Variants in PALS1 observed in about 807,000 individuals in gnomAD.
The protein encoded by PALS1 is protein associated with LIN7 1, MAGUK p55 family member.
Under a neutral mutation model 78.9 loss-of-function variants are expected in PALS1, and 31 were observed. The observed-to-expected ratio is 0.39, with a 90% CI of 0.30 to 0.53. PALS1 has a LOEUF of 0.53. Among genes scored for constraint, PALS1 ranks in the 20% least tolerant of loss-of-function variants. PALS1 has a pLI of 0.67. For missense variants in PALS1, 704 were observed against 826.5 expected, an observed-to-expected ratio of 0.85 and a Z score of 1.82; for synonymous variants, 276 against 270.9, an observed-to-expected ratio of 1.02 and a Z score of -0.18.
intron 8 of PALS1, among the ~76,000 whole-genome samples, chr14:67,308,551 T>TC (rs2085043437): frequency 1.4e-5 from 2 of 147,044 alleles, no homozygotes; most frequent in African/African-American, 5.0e-5. Context: ...TTTTTCTTTT[T>TC]TTTTTTTTTT....
rs1352763103 is a variant in PALS1, at chr14:67,321,252, G to A, written c.1733G>A (p.Arg578His). Residue 578 changes from arginine to histidine, a missense_variant, in exon 13 of 15, where the codon CGT becomes CAT. By Grantham distance (29) the Arg-to-His change is conservative. Transcript: ENST00000261681. ...GGCAAAATATGTCTTTTAAGTCTTC[G>A]TACACAGGTAAAGCTAGAACTTTGT... Reference protein sequence around the residue: ...NSGKICLLSLRTQSLKTLRNS... With the variant: ...NSGKICLLSLHTQSLKTLRNS... 5.6e-6 allele frequency: 9 copies of A among 1,613,994 alleles called. No individual in the cohort carries two copies. Among genetic ancestry groups the A allele is most frequent in the African/African-American group, 1.3e-5 (1 of 75,042 alleles).
chr14:67,298,767 G>A (rs1180347194), intron 4 of PALS1, among the ~76,000 whole-genome samples: 1 of 152,164 alleles, frequency 6.6e-6, no homozygotes, highest in African/African-American at 2.4e-5. Context: ...CTGCTATCAA[G>A]TTGTAGAAGC....
At chr14:67,331,858 TTA>T (rs1225186936) in intron 14 of PALS1, among the ~76,000 whole-genome samples, 1 of 152,180 alleles carries the variant, frequency 6.6e-6, no homozygotes, top group Non-Finnish European at 1.5e-5. Flanking sequence ...GTGTGTTCAG[TTA>T]CAGTGGTGAA....
intron 8 of PALS1, among the ~76,000 whole-genome samples, chr14:67,310,940 C>T (rs144630313): frequency 1.3e-4 from 20 of 152,234 alleles, no homozygotes; most frequent in East Asian, 7.7e-4. Flanking sequence ...GCTTAAAGAG[C>T]GCTTAAAAAG....
chr14:67,317,179 C>A (rs2085188909), intron 10 of PALS1, among the ~76,000 whole-genome samples: 1 of 152,066 alleles, frequency 6.6e-6, no homozygotes, highest in Admixed American at 6.5e-5. Context: ...AAATTAAAAA[C>A]AAGCTGGGTG....
intron 1 of PALS1, among the ~76,000 whole-genome samples, chr14:67,263,362 C>T (rs2084267585): frequency 6.6e-6 from 1 of 152,004 alleles, no homozygotes; most frequent in Non-Finnish European, 1.5e-5. Flanking sequence ...CCTGGGAGTA[C>T]TTAAGGTCAG....
chr14:67,323,240 T>TGTGTGC (rs2085292507), intron 13 of PALS1, among the ~76,000 whole-genome samples: 1 of 139,252 alleles, frequency 7.2e-6, no homozygotes, highest in African/African-American at 2.9e-5. Context: ...CACGTGTGTG[T>TGTGTGC]GTGTGTGTGT....
chr14:67,280,846 TCC>T (rs2084594792), intron 3 of PALS1, among the ~76,000 whole-genome samples: 1 of 127,718 alleles, frequency 7.8e-6, no homozygotes, highest in East Asian at 2.2e-4. Flanking sequence ...CTTCCTTCCT[TCC>T]TTCCTTCCCT....
chr14:67,280,159 C>T (rs931401570), intron 3 of PALS1, among the ~76,000 whole-genome samples: 4 of 152,140 alleles, frequency 2.6e-5, no homozygotes, highest in African/African-American at 4.8e-5. Flanking sequence ...CTTCTTATCA[C>T]GGGACTTCTC....
At chr14:67,271,024 T>C (rs916018527) in intron 2 of PALS1, 4 of 152,200 alleles carry the variant, frequency 2.6e-5, no homozygotes, top group African/African-American at 4.8e-5. Context: ...GTAAAAGATA[T>C]AGCTAGAAAT....
At chr14:67,261,634 G>A (rs2084239088) in intron 1 of PALS1, among the ~76,000 whole-genome samples, 1 of 152,078 alleles carries the variant, frequency 6.6e-6, no homozygotes, top group South Asian at 2.1e-4. Context: ...GCAGAATAGA[G>A]AATAAAATTT....
At chr14:67,264,023 A>G (rs957505446) in intron 1 of PALS1, among the ~76,000 whole-genome samples, 3 of 152,136 alleles carry the variant, frequency 2.0e-5, no homozygotes, top group African/African-American at 7.2e-5. Context: ...TCAGGCTCCC[A>G]TGCAAGCACC....
chr14:67,313,975 T>TAA lies in PALS1; in HGVS notation c.1225+1278_1225+1279dup, dbSNP rs541234501. 4.8e-3 allele frequency among the ~76,000 whole-genome samples: 692 copies of TAA among 143,742 alleles called. 5 individuals are homozygous for TAA. Among genetic ancestry groups the TAA allele is most frequent in the African/African-American group, 0.017 (656 of 39,386 alleles). 94.3% of individuals were successfully genotyped at this position (143,742 alleles called of 152,430 possible). A position where few individuals can be genotyped will look rare whatever the true frequency, so the allele number is the denominator to read the frequency against. Reference sequence around the variant, plus strand: ...AAGTTCTCAGAAAACAAACAAAAATTAAAAAAAAAAAAAATAGTTCTGCCA... The same window carrying TAA: ...AAGTTCTCAGAAAACAAACAAAAATTAAAAAAAAAAAAAAAATAGTTCTGCCA... On this transcript the variant is annotated intron_variant, in intron 9 of 14. Coordinates refer to ENST00000261681, the MANE Select transcript of PALS1 (RefSeq NM_022474.4).
At chr14:67,292,410 AAACTT>A (rs2084785386) in intron 3 of PALS1, 96 bp from the exon 4 acceptor site, 1 of 791,634 alleles carries the variant, frequency 1.3e-6, no homozygotes, top group Non-Finnish European at 2.0e-6. Flanking sequence ...ATTTTTCTGA[AAACTT>A]AAATTGTTAC....
chr14:67,298,494 G>A (rs540227623), intron 4 of PALS1, among the ~76,000 whole-genome samples: 49 of 146,302 alleles, frequency 3.3e-4, no homozygotes, highest in Non-Finnish European at 6.5e-4. Flanking sequence ...CAGCCTGGGC[G>A]ACAAGAGTGA....
chr14:67,306,301 G>A (rs1274643362), intron 8 of PALS1, among the ~76,000 whole-genome samples: 1 of 151,656 alleles, frequency 6.6e-6, no homozygotes, highest in Non-Finnish European at 1.5e-5. Flanking sequence ...GATCTTTTCA[G>A]AATAGAGTGA....
chr14:67,245,075 G>A (rs1243498240), intron 1 of PALS1, among the ~76,000 whole-genome samples: 3 of 152,206 alleles, frequency 2.0e-5, no homozygotes, highest in African/African-American at 7.2e-5. Context: ...TCTTGAAGAG[G>A]CTCCAGAAAA....
At chr14:67,258,472 GGGTCGT>G (rs1431726923) in intron 1 of PALS1, among the ~76,000 whole-genome samples, 1 of 152,210 alleles carries the variant, frequency 6.6e-6, no homozygotes, top group Non-Finnish European at 1.5e-5. Flanking sequence ...CCAGGCTGGA[GGGTCGT>G]GGTGTGATCA....
chr14:67,271,907 C>G (rs183332306), intron 2 of PALS1: 1 of 152,164 alleles, frequency 6.6e-6, no homozygotes, highest in Non-Finnish European at 1.5e-5. Context: ...CCCGTCTCTA[C>G]TAAAAATACA....
Sources: gnomAD v4.1 joint callset for allele counts (sites outside exome capture counted in the v4.1 genomes callset) on GRCh38, gnomAD v4.1.1 for gene constraint, MANE v1.5 for transcripts, NCBI Gene and HGNC (gene_info 2026-07-23, HGNC 2026-07-21) for gene names.